The following TTC28 variants were observed in gnomAD, a reference collection of about 807,000 sequenced individuals.
TTC28 encodes the protein tetratricopeptide repeat protein 28.
TTC28 carries 61 observed loss-of-function variants against 198.0 expected under a neutral mutation model. That is an observed-to-expected ratio of 0.31 (90% CI 0.25 to 0.38). The LOEUF (loss-of-function observed/expected upper bound fraction) is 0.38. Ranked by LOEUF, TTC28 falls within the 10% of genes least tolerant of loss-of-function variation. The pLI is 1.00. For synonymous variants in TTC28, 1,171 were observed against 1,297.8 expected (o/e 0.90, Z 2.10); for missense variants, 2,678 against 3,164.0 (o/e 0.85, Z 3.69).
chr22:28,446,237 C>T (rs1393179501), intron 2 of TTC28, among the ~76,000 whole-genome samples: 1 of 143,556 alleles, frequency 7.0e-6, no homozygotes, highest in Non-Finnish European at 1.5e-5. Context: ...GGAACAAATA[C>T]TCAATATTTT....
chr22:28,317,463 T>C (rs1393871664), intron 2 of TTC28, among the ~76,000 whole-genome samples: 1 of 152,252 alleles, frequency 6.6e-6, no homozygotes, highest in Non-Finnish European at 1.5e-5. Context: ...GCACATTTTA[T>C]AGACTTTATT....
chr22:28,162,884 G>C (rs1921381628), intron 6 of TTC28, among the ~76,000 whole-genome samples: 1 of 152,178 alleles, frequency 6.6e-6, no homozygotes. Flanking sequence ...AGGTGTGGTT[G>C]TGCCACACCA....
At chr22:28,086,681 A>T (rs1280114843) in intron 12 of TTC28, among the ~76,000 whole-genome samples, 1 of 152,140 alleles carries the variant, frequency 6.6e-6, no homozygotes, top group East Asian at 1.9e-4. Context: ...AACTGAAGGT[A>T]ATAGAGACAC....
chr22:28,046,634 AC>A (rs1375574961), intron 12 of TTC28, among the ~76,000 whole-genome samples: 1 of 152,170 alleles, frequency 6.6e-6, no homozygotes, highest in Non-Finnish European at 1.5e-5. Flanking sequence ...CACTACTACA[AC>A]TGTGTACATA....
chr22:28,301,617 C>T (rs1315867242), intron 3 of TTC28, among the ~76,000 whole-genome samples: 1 of 152,128 alleles, frequency 6.6e-6, no homozygotes, highest in Non-Finnish European at 1.5e-5. Flanking sequence ...GGATTTAATA[C>T]CTCTGAAATC....
intron 2 of TTC28, among the ~76,000 whole-genome samples, chr22:28,590,061 A>AAAAAAAAAAAAAAAC (rs1555898135): frequency 4.9e-5 from 7 of 142,304 alleles, no homozygotes; most frequent in Non-Finnish European, 9.3e-5. Context: ...AAAAAAAAAA[A>AAAAAAAAAAAAAAAC]ACACAGAAAA....
intron 2 of TTC28, among the ~76,000 whole-genome samples, chr22:28,470,572 G>C (rs1170398611): frequency 6.6e-6 from 1 of 152,174 alleles, no homozygotes; most frequent in East Asian, 1.9e-4. Context: ...ATTGTATGTA[G>C]AATGCCCTGT....
chr22:28,329,335 TTC>T (rs2045581337), intron 2 of TTC28, among the ~76,000 whole-genome samples: 1 of 152,086 alleles, frequency 6.6e-6, no homozygotes, highest in South Asian at 2.1e-4. Context: ...AATACACTGT[TTC>T]TCTGTCAGTG....
At chr22:28,010,498 C>T (rs911054123) in intron 14 of TTC28, among the ~76,000 whole-genome samples, 2 of 152,186 alleles carry the variant, frequency 1.3e-5, no homozygotes, top group Non-Finnish European at 2.9e-5. Flanking sequence ...CAAGGCAGGG[C>T]CACCTCCTGC....
Position 28,557,116 on chromosome 22 carries a change from G to T in TTC28, c.381+72436C>A, listed in dbSNP as rs550409969. ...GGATCATCTTGGAGGCTGGTTACCA[G>T]ACACAGTTTCACCTACAGTATCTTC... is the stretch of plus-strand genomic sequence containing the variant. On this transcript the variant is annotated intron_variant, in intron 2 of 22. Coordinates refer to ENST00000397906, the MANE Select transcript of TTC28 (RefSeq NM_001145418.2). Among the ~76,000 whole-genome samples, 24 of 152,344 alleles carry T rather than the reference G, an allele frequency of 1.6e-4. 1 individual carries two copies. Among genetic ancestry groups the T allele is most frequent in the Admixed American group, 1.4e-3 (22 of 15,304 alleles).
chr22:28,559,410 A>G (rs1471140169), intron 2 of TTC28, among the ~76,000 whole-genome samples: 4 of 152,208 alleles, frequency 2.6e-5, no homozygotes, highest in African/African-American at 9.7e-5. Context: ...TTTAAAGTTC[A>G]ATCATTTACG....
intron 2 of TTC28, among the ~76,000 whole-genome samples, chr22:28,628,815 C>T (rs978971373): frequency 2.6e-5 from 4 of 151,978 alleles, no homozygotes; most frequent in Admixed American, 1.3e-4. Flanking sequence ...TGGCACATAC[C>T]TGTAGTCCCA....
At chr22:28,472,869 A>G (rs1385781280) in intron 2 of TTC28, among the ~76,000 whole-genome samples, 1 of 152,174 alleles carries the variant, frequency 6.6e-6, no homozygotes, top group Non-Finnish European at 1.5e-5. Context: ...AACACTGAAA[A>G]TCTTACAAGC....
At position 28,128,836 on chromosome 22, in the gene TTC28, G is replaced by A. The variant is rs1942981739; in HGVS notation, c.1442-20433C>T. On this transcript the variant is annotated intron_variant, in intron 6 of 22. Transcript: ENST00000397906. ...ATTACAGGTGTGAGCCACTACACCT[G>A]CCCTGGAATTTATTTTACACAATTT... Among the ~76,000 whole-genome samples, 4 of 152,122 alleles carry A rather than the reference G, an allele frequency of 2.6e-5. No individual in the cohort carries two copies. In the South Asian group the frequency reaches 8.3e-4, roughly 32 times the overall value.
chr22:28,661,271 C>T (rs558931798), intron 1 of TTC28, among the ~76,000 whole-genome samples: 100 of 152,048 alleles, frequency 6.6e-4, no homozygotes, highest in African/African-American at 2.1e-3. Flanking sequence ...GCAACAAGTA[C>T]GAAACTCCAT....
chr22:28,512,070 A>G (rs974162387), intron 2 of TTC28, among the ~76,000 whole-genome samples: 1 of 152,046 alleles, frequency 6.6e-6, no homozygotes, highest in African/African-American at 2.4e-5. Flanking sequence ...TCTAATATCC[A>G]GAGTCTACAA....
chr22:28,675,735 T>TCACTCGCG (rs1555910098), intron 1 of TTC28, among the ~76,000 whole-genome samples: 11 of 135,118 alleles, frequency 8.1e-5, no homozygotes, highest in African/African-American at 2.5e-4. Context: ...TGAAACCCTG[T>TCACTCGCG]CACACACACA....
intron 12 of TTC28, among the ~76,000 whole-genome samples, chr22:28,091,279 A>C (rs1045885308): frequency 6.6e-6 from 1 of 152,260 alleles, no homozygotes; most frequent in Non-Finnish European, 1.5e-5. Context: ...AGCATGGAAG[A>C]GTGAGACCAA....
At chr22:28,610,988 C>T (rs542505983) in intron 2 of TTC28, among the ~76,000 whole-genome samples, 1 of 151,870 alleles carries the variant, frequency 6.6e-6, no homozygotes, top group African/African-American at 2.4e-5. Context: ...GGAAGATCAA[C>T]TTAATGAAAT....
Sources: gnomAD v4.1 joint callset for allele counts (sites outside exome capture counted in the v4.1 genomes callset) on GRCh38, gnomAD v4.1.1 for gene constraint, MANE v1.5 for transcripts, NCBI Gene and HGNC (gene_info 2026-07-23, HGNC 2026-07-21) for gene names.